The following GART variants were observed in gnomAD, a reference collection of about 807,000 sequenced individuals.
GART encodes phosphoribosylglycinamide formyltransferase, phosphoribosylglycinamide synthetase, phosphoribosylaminoimidazole synthetase, also known as trifunctional purine biosynthetic protein adenosine-3.
In GART, 43 loss-of-function variants were observed where a neutral mutation model predicts 107.2. The ratio of observed to expected loss-of-function variants is 0.40; its 90% confidence interval spans 0.31 to 0.52. The LOEUF is 0.52. Ranked by LOEUF, GART falls within the 20% of genes least tolerant of loss-of-function variation. The pLI is 0.52. For missense variants in GART, 1,107 were observed against 1,206.5 expected, an observed-to-expected ratio of 0.92 and a Z score of 1.22; for synonymous variants, 434 against 427.0, an observed-to-expected ratio of 1.02 and a Z score of -0.20.
chr21:33,534,728 T>C lies in GART; in HGVS notation c.267A>G (p.Ala89=). ...CTGTTGGGCCAAAGCATTGCACTCC[T>C]GCAGACCTCAGGTTCCCAACAATCC... ...AAGIVGNLRS[A]GVQCFGPTAE... The change falls in exon 4 of 22, where the codon GCA becomes GCG. Residue 89 remains alanine (A), a synonymous_variant. Coordinates refer to ENST00000381815, the MANE Select transcript of GART (RefSeq NM_000819.5). 1.2e-6 allele frequency: 2 copies of C among 1,601,128 alleles called. No individual in the cohort carries two copies. Among genetic ancestry groups the C allele is most frequent in the Non-Finnish European group, 8.5e-7 (1 of 1,174,760 alleles).
intron 12 of GART, 68 bp downstream of exon 12, chr21:33,522,120 T>C: frequency 8.1e-7 from 1 of 1,236,192 alleles, no homozygotes; most frequent in South Asian, 1.2e-5. Context: ...TCCTGTTAAA[T>C]ATAAAACCCA....
Position 33,531,025 on chromosome 21 carries a change from TCAATAA to T in GART, c.598-147_598-142del, listed in dbSNP as rs1241361098. On this transcript the variant is annotated intron_variant, in intron 6 of 21. Transcript: ENST00000381815. Reference sequence around the variant, plus strand: ...TTTTGCAGAGAAATGAACCGAAACGTCAATAACATTAAGCTACATACATCAAGAATC... The same window carrying T: ...TTTTGCAGAGAAATGAACCGAAACGTCATTAAGCTACATACATCAAGAATC... 4.8e-6 allele frequency: 3 copies of T among 628,798 alleles called. No individual in the cohort carries two copies. The Admixed American group carries it at 1.3e-4, about 28-fold the overall frequency. 39.0% of individuals were successfully genotyped at this position (628,798 alleles called of 1,614,324 possible). A position where few individuals can be genotyped will look rare whatever the true frequency, so the allele number is the denominator to read the frequency against.
Position 33,511,354 on chromosome 21 carries a change from C to T in GART, c.2212G>A (p.Val738Ile). ...ARTFNCGVGA[V>I]LVVSKEQTEQ... Reference sequence around the variant, plus strand: ...GTCTGCTCCTTTGATACCACAAGGACAGCGCCAACCCCACAGTTAAATGTT... The same window carrying T: ...GTCTGCTCCTTTGATACCACAAGGATAGCGCCAACCCCACAGTTAAATGTT... Residue 738 changes from valine (V) to isoleucine (I), a missense_variant, in exon 17 of 22, where the codon GTC becomes ATC. Transcript: ENST00000381815. 1 of 1,614,196 alleles carries T rather than the reference C, an allele frequency of 6.2e-7. No homozygotes were observed. The highest frequency in any genetic ancestry group is 1.3e-5 in the African/African-American group (1 of 75,044).
intron 12 of GART, 84 bp from the exon 13 acceptor site, chr21:33,521,099 C>T: frequency 8.9e-7 from 1 of 1,124,406 alleles, no homozygotes; most frequent in Non-Finnish European, 1.3e-6. Flanking sequence ...TTAAAAAAAC[C>T]AGTATATTTA....
chr21:33,520,610 T>C (rs764111073), intron 13 of GART, 48 bp from the exon 14 acceptor site: 1 of 1,512,772 alleles, frequency 6.6e-7, no homozygotes, highest in South Asian at 1.2e-5. Context: ...AAGTTCAAAA[T>C]TGTATCTTAT....
chr21:33,527,583 G>A (rs1250044412), intron 10 of GART, among the ~76,000 whole-genome samples: 2 of 152,022 alleles, frequency 1.3e-5, no homozygotes, highest in Non-Finnish European at 1.5e-5. Flanking sequence ...AGGCTGCTAG[G>A]GGTCACAGAG....
At position 33,517,135 on chromosome 21, in the gene GART, A is replaced by C. The variant is rs1226801617; in HGVS notation, c.1961T>G (p.Leu654Ter). 5 of 1,605,938 alleles carry C rather than the reference A, an allele frequency of 3.1e-6. No individual in the cohort carries two copies. The highest frequency in any genetic ancestry group is 1.3e-5 in the African/African-American group (1 of 74,594). ...DGCGDQTLGD[L>*]LLTPTRIYSH... Reference sequence around the variant, plus strand: ...GTAGATTCTGGTAGGCGTGAGAAGTAAGTCCCCTGCATGTTGAAGAGAGAA... The same window carrying C: ...GTAGATTCTGGTAGGCGTGAGAAGTCAGTCCCCTGCATGTTGAAGAGAGAA... The change falls in exon 16 of 22, where the codon TTA becomes TGA. Residue 654 changes from leucine (L) to a stop codon, truncating the protein, a stop_gained. Coordinates refer to ENST00000381815, the MANE Select transcript of GART (RefSeq NM_000819.5). LOFTEE classifies it high-confidence loss of function.
chr21:33,532,770 C>T (rs942797808), intron 4 of GART, among the ~76,000 whole-genome samples: 4 of 152,012 alleles, frequency 2.6e-5, no homozygotes, highest in African/African-American at 9.7e-5. Context: ...TACAAAGTAG[C>T]AAATAGTACT....
At chr21:33,528,772 A>AAG in intron 8 of GART, 78 bp downstream of exon 8, 1 of 1,066,140 alleles carries the variant, frequency 9.4e-7, no homozygotes, top group East Asian at 2.5e-5. Context: ...AAAAAAAAAA[A>AAG]GGGAATGGAA....
At chr21:33,538,467 A>G in intron 2 of GART, among the ~76,000 whole-genome samples, 1 of 151,972 alleles carries the variant, frequency 6.6e-6, no homozygotes, top group Non-Finnish European at 1.5e-5. Context: ...TGCTGGGCTC[A>G]AGAGATCCTT....
chr21:33,511,011 C>T (rs2084775789), intron 17 of GART, among the ~76,000 whole-genome samples: 1 of 152,034 alleles, frequency 6.6e-6, no homozygotes, highest in Non-Finnish European at 1.5e-5. Context: ...AGGGAGATTA[C>T]TTTGGGAAGC....
upstream of GART, chr21:33,542,496 G>C (rs984748408): frequency 1.3e-5 from 2 of 153,548 alleles, no homozygotes; most frequent in African/African-American, 4.8e-5. Context: ...CGGTCGCTTA[G>C]GACATCCGGC....
rs3787707 is a variant in GART, at chr21:33,533,630, T to C, written c.416+949A>G. The stretch of plus-strand genomic sequence containing the variant: ...TTGTCAATCTGACCGTGAGGCCTAG[T>C]GTTACGGCTCATGCCTGTAATCCCA... On this transcript the variant is annotated intron_variant, in intron 4 of 21. Coordinates refer to ENST00000381815, the MANE Select transcript of GART (RefSeq NM_000819.5). Among the ~76,000 whole-genome samples the C allele has an allele frequency of 3.8e-4, 57 of 151,014 alleles. 1 individual carries two copies. In the East Asian group the frequency reaches 0.011, roughly 29 times the overall value.
chr21:33,507,926 C>T (rs141683246), intron 18 of GART, among the ~76,000 whole-genome samples: 31 of 152,170 alleles, frequency 2.0e-4, no homozygotes, highest in African/African-American at 7.2e-4. Flanking sequence ...GATGAATACC[C>T]CATTTACAGG....
intron 2 of GART, among the ~76,000 whole-genome samples, chr21:33,538,650 A>C (rs190059950): frequency 1.9e-3 from 292 of 152,350 alleles, no homozygotes; most frequent in Non-Finnish European, 2.9e-4. Flanking sequence ...ATCAGGTTTA[A>C]AACAGTTTAA....
intron 5 of GART, chr21:33,531,771 T>C (rs1412198251): frequency 2.0e-6 from 1 of 501,434 alleles, no homozygotes; most frequent in Non-Finnish European, 3.5e-6. Context: ...ACAGACGGAA[T>C]AAACACACCT....
At position 33,533,221 on chromosome 21, in the gene GART, C is replaced by T. The variant is rs553020429; in HGVS notation, c.417-765G>A. The stretch of plus-strand genomic sequence containing the variant: ...TTGGGAGGCCGAGGCGGGCGGATCA[C>T]GAGGTCAGGAGATCGAGACCATCCT... On this transcript the variant is annotated intron_variant, in intron 4 of 21. Transcript: ENST00000381815. Among the ~76,000 whole-genome samples, 363 of 151,806 alleles carry T rather than the reference C, an allele frequency of 2.4e-3. 3 individuals are homozygous for T. The highest frequency in any genetic ancestry group is 4.6e-3 in the Non-Finnish European group (312 of 67,882).
chr21:33,509,970 C>T (rs1205963946), intron 17 of GART, 50 bp from the exon 18 acceptor site: 3 of 1,520,470 alleles, frequency 2.0e-6, no homozygotes, highest in East Asian at 2.3e-5. Context: ...TGTGAATTAA[C>T]AAGAATAATG....
At chr21:33,520,640 T>A in intron 13 of GART, 78 bp from the exon 14 acceptor site, 1 of 1,291,746 alleles carries the variant, frequency 7.7e-7, no homozygotes. Flanking sequence ...TAGCTGCTCT[T>A]AACACCTAAA....
Sources: allele counts gnomAD v4.1 joint callset (sites outside exome capture counted in the v4.1 genomes callset), GRCh38; gene constraint gnomAD v4.1.1; transcripts MANE v1.5; gene names NCBI Gene and HGNC (gene_info 2026-07-23, HGNC 2026-07-21).